The following WIPF3 variants were observed in gnomAD, a reference collection of about 807,000 sequenced individuals.
WIPF3 encodes WAS/WASL-interacting protein family member 3.
WIPF3 carries 33 observed loss-of-function variants against 38.9 expected under a neutral mutation model. That is an observed-to-expected ratio of 0.85 (90% CI 0.64 to 1.14). WIPF3 has a LOEUF of 1.14. WIPF3 is among the 50% of genes most tolerant of loss of function. WIPF3 has a pLI of 0.00. For missense variants in WIPF3, 711 were observed against 652.5 expected (o/e 1.09, Z -0.98); for synonymous variants, 324 against 269.3 (o/e 1.20, Z -1.99).
chr7:29,880,848 C>T (rs1785700404), intron 4 of WIPF3, among the ~76,000 whole-genome samples: 1 of 152,144 alleles, frequency 6.6e-6, no homozygotes, highest in South Asian at 2.1e-4. Flanking sequence ...CAAGGCAGGC[C>T]GTGGCTCCCT....
chr7:29,859,056 C>T (rs1785233514), intron 2 of WIPF3, among the ~76,000 whole-genome samples: 1 of 152,164 alleles, frequency 6.6e-6, no homozygotes, highest in Non-Finnish European at 1.5e-5. Flanking sequence ...AGATGTGAAA[C>T]TAGGATGTCT....
chr7:29,837,795 T>G (rs1270864341), intron 2 of WIPF3, among the ~76,000 whole-genome samples: 1 of 152,210 alleles, frequency 6.6e-6, no homozygotes, highest in Admixed American at 6.5e-5. Flanking sequence ...AGGATATGAT[T>G]AGATTGAAGA....
chr7:29,886,916 C>T (rs1785894177), intron 5 of WIPF3, among the ~76,000 whole-genome samples: 1 of 152,194 alleles, frequency 6.6e-6, no homozygotes, highest in East Asian at 1.9e-4. Context: ...GCTGTTCACC[C>T]AGAAGAGGGG....
intron 1 of WIPF3, among the ~76,000 whole-genome samples, chr7:29,820,107 T>G (rs1447578891): frequency 6.6e-6 from 1 of 152,112 alleles, no homozygotes; most frequent in Non-Finnish European, 1.5e-5. Context: ...AAAGTCTTGA[T>G]CTGAATATAC....
intron 7 of WIPF3, among the ~76,000 whole-genome samples, chr7:29,890,843 G>T (rs1785995974): frequency 2.1e-5 from 3 of 144,918 alleles, no homozygotes. Flanking sequence ...CCTGTGCTCA[G>T]GTGGAGGGGA....
rs183799553 is a variant in WIPF3, at chr7:29,850,894, T to C, written c.90+16080T>C. ...TCTCTGATATCTGGGCCAATTCTTT[T>C]GGACCTCACTTTCCTCATCTGTGAA... On this transcript the variant is annotated intron_variant, in intron 2 of 8. Coordinates refer to ENST00000242140, the MANE Select transcript of WIPF3 (RefSeq NM_001080529.3). 4.6e-5 allele frequency among the ~76,000 whole-genome samples: 7 copies of C among 152,374 alleles called. No individual in the cohort carries two copies. In the East Asian group the frequency reaches 1.3e-3, roughly 29 times the overall value.
Position 29,914,764 on chromosome 7 carries a change from G to A in WIPF3, c.*248G>A, listed in dbSNP as rs1786574334. ...TTGCATCTTGGCATTTGTCAGCACA[G>A]ATAGAGCCCTGTCCCTCCACCTAGT... is the stretch of plus-strand genomic sequence containing the variant. On this transcript the variant is annotated 3_prime_UTR_variant, in exon 9 of 9. Transcript: ENST00000242140. 3.2e-6 allele frequency: 1 copy of A among 308,464 alleles called. No homozygotes were observed. Among genetic ancestry groups the A allele is most frequent in the Non-Finnish European group, 6.0e-6 (1 of 167,692 alleles). 19.1% of individuals were successfully genotyped at this position (308,464 alleles called of 1,614,324 possible).
intron 7 of WIPF3, among the ~76,000 whole-genome samples, chr7:29,902,013 G>A (rs1260491373): frequency 6.6e-6 from 1 of 152,004 alleles, no homozygotes; most frequent in Non-Finnish European, 1.5e-5. Context: ...CATAAGCAGG[G>A]GGCTGGGGTG....
chr7:29,895,125 C>G (rs751637292), intron 7 of WIPF3, among the ~76,000 whole-genome samples: 1 of 151,906 alleles, frequency 6.6e-6, no homozygotes, highest in Non-Finnish European at 1.5e-5. Context: ...ATTTTCAGTA[C>G]AGACAGGGTT....
intron 8 of WIPF3, among the ~76,000 whole-genome samples, chr7:29,913,767 T>TG (rs1358228674): frequency 6.6e-6 from 1 of 152,220 alleles, no homozygotes; most frequent in East Asian, 1.9e-4. Context: ...TCTTCCATAA[T>TG]GCCTCACTGC....
At chr7:29,867,980 A>G (rs994491354) in intron 2 of WIPF3, among the ~76,000 whole-genome samples, 1 of 152,042 alleles carries the variant, frequency 6.6e-6, no homozygotes, top group Non-Finnish European at 1.5e-5. Context: ...GGAGTGGCTT[A>G]GTTTTTGTGC....
chr7:29,901,028 G>T (rs1786264647), intron 7 of WIPF3, among the ~76,000 whole-genome samples: 1 of 152,204 alleles, frequency 6.6e-6, no homozygotes, highest in Admixed American at 6.5e-5. Flanking sequence ...GTTATTCTGG[G>T]TGGTTATGAA....
At chr7:29,867,216 G>A (rs549023586) in intron 2 of WIPF3, among the ~76,000 whole-genome samples, 1 of 152,292 alleles carries the variant, frequency 6.6e-6, no homozygotes, top group Non-Finnish European at 1.5e-5. Context: ...TGCACTCTAA[G>A]TAGAGAGAAG....
At chr7:29,873,372 G>A (rs553474416) in intron 2 of WIPF3, among the ~76,000 whole-genome samples, 6 of 152,226 alleles carry the variant, frequency 3.9e-5, no homozygotes, top group African/African-American at 7.2e-5. Flanking sequence ...TACAAAGCAC[G>A]CTTTTTTCCC....
chr7:29,878,986 C>G lies in WIPF3; in HGVS notation c.224-23C>G, dbSNP rs756591043. Reference sequence around the variant, plus strand: ...CTCAGCTCTGCTCTCAAGTCCTTGCCTATTTGTGTCTTCTCTCTAAAGGTT... The same window carrying G: ...CTCAGCTCTGCTCTCAAGTCCTTGCGTATTTGTGTCTTCTCTCTAAAGGTT... On this transcript the variant is annotated intron_variant, in intron 3 of 8. Transcript: ENST00000242140. The surrounding 1 kb of genome is among the most constrained non-coding windows in gnomAD (Gnocchi z 4.0). The G allele has an allele frequency of 1.0e-5, 16 of 1,579,408 alleles. No homozygotes were observed. In the South Asian group the frequency reaches 1.8e-4, roughly 18 times the overall value.
chr7:29,865,580 C>T (rs970692758), intron 2 of WIPF3, among the ~76,000 whole-genome samples: 4 of 152,104 alleles, frequency 2.6e-5, no homozygotes, highest in African/African-American at 7.2e-5. Flanking sequence ...AAGGCCTCTA[C>T]TCTTCATTGA....
At chr7:29,902,471 A>T (rs1481910444) in intron 7 of WIPF3, among the ~76,000 whole-genome samples, 1 of 152,064 alleles carries the variant, frequency 6.6e-6, no homozygotes, top group Non-Finnish European at 1.5e-5. Flanking sequence ...CAATTTAAAA[A>T]ATTGTACCTT....
chr7:29,838,489 C>A (rs997355508), intron 2 of WIPF3, among the ~76,000 whole-genome samples: 1 of 151,964 alleles, frequency 6.6e-6, no homozygotes, highest in South Asian at 2.1e-4. Flanking sequence ...CAAAAAACAA[C>A]CCACATTTTT....
intron 2 of WIPF3, among the ~76,000 whole-genome samples, chr7:29,871,293 C>G (rs1785492661): frequency 1.3e-5 from 2 of 152,162 alleles, no homozygotes; most frequent in Admixed American, 1.3e-4. Context: ...TGGTAATGAA[C>G]TGCAAACACC....
Sources: gnomAD v4.1 joint callset for allele counts (sites outside exome capture counted in the v4.1 genomes callset) on GRCh38, gnomAD v4.1.1 for gene constraint, Gnocchi (gnomAD v3.1) non-coding constraint, MANE v1.5 for transcripts, NCBI Gene and HGNC (gene_info 2026-07-23, HGNC 2026-07-21) for gene names.